RAVER2: variants seen among roughly 807,000 people sequenced by gnomAD.
RAVER2 encodes the protein ribonucleoprotein PTB-binding 2.
In RAVER2, 46 loss-of-function variants were observed where a neutral mutation model predicts 78.1. The ratio of observed to expected loss-of-function variants is 0.59; its 90% confidence interval spans 0.46 to 0.75. The LOEUF is 0.75. Ranked by LOEUF, RAVER2 falls within the 30% of genes least tolerant of loss-of-function variation. The pLI, the probability that RAVER2 is intolerant of heterozygous loss-of-function variation, is 0.00. For missense variants in RAVER2, 793 were observed against 837.5 expected, an observed-to-expected ratio of 0.95 and a Z score of 0.66; for synonymous variants, 311 against 313.3, an observed-to-expected ratio of 0.99 and a Z score of 0.08.
At chr1:64,777,036 A>G (rs1298000758) in intron 2 of RAVER2, among the ~76,000 whole-genome samples, 1 of 152,156 alleles carries the variant, frequency 6.6e-6, no homozygotes, top group Non-Finnish European at 1.5e-5. Context: ...GTACCAAATT[A>G]AAAGTGTCTG....
At chr1:64,795,392 G>A (rs1241011687) in intron 5 of RAVER2, among the ~76,000 whole-genome samples, 1 of 152,068 alleles carries the variant, frequency 6.6e-6, no homozygotes, top group Non-Finnish European at 1.5e-5. Context: ...TGATTTGTAT[G>A]CTAATTTAGG....
At chr1:64,763,949 CA>C (rs1652099848) in intron 1 of RAVER2, among the ~76,000 whole-genome samples, 1 of 151,298 alleles carries the variant, frequency 6.6e-6, no homozygotes, top group Admixed American at 6.6e-5. Flanking sequence ...CACACACACA[CA>C]CACACCCCTA....
At chr1:64,803,055 ACAT>A (rs1302173129) in exon 6 of RAVER2, 3 of 1,581,756 alleles carry the variant, frequency 1.9e-6, no homozygotes, top group Non-Finnish European at 2.6e-6. Context: ...TGAATAAAGC[ACAT>A]CAGGTACATA....
chr1:64,827,256 T>C (rs11589788), intron 11 of RAVER2, among the ~76,000 whole-genome samples: 7,638 of 152,060 alleles, frequency 0.05, 305 homozygotes, highest in Admixed American at 0.14. Context: ...CAGCTGAGAG[T>C]GAAGATGAGG....
chr1:64,759,471 G>A (rs868858210), intron 1 of RAVER2, among the ~76,000 whole-genome samples: 3 of 151,138 alleles, frequency 2.0e-5, no homozygotes, highest in Non-Finnish European at 2.9e-5. Context: ...CGCCCGCCTC[G>A]GCCTCCCAAA....
At chr1:64,764,053 C>G (rs1470163214) in intron 1 of RAVER2, among the ~76,000 whole-genome samples, 2 of 151,982 alleles carry the variant, frequency 1.3e-5, no homozygotes, top group African/African-American at 2.4e-5. Flanking sequence ...AGAAACAGTT[C>G]AAATTCCCAT....
chr1:64,808,613 C>T (rs1010808857), intron 9 of RAVER2, among the ~76,000 whole-genome samples: 3 of 151,898 alleles, frequency 2.0e-5, no homozygotes, highest in Non-Finnish European at 2.9e-5. Context: ...ATGCACACAC[C>T]GCCATACCTG....
intron 1 of RAVER2, among the ~76,000 whole-genome samples, chr1:64,767,815 C>A (rs1652214005): frequency 6.6e-6 from 1 of 151,892 alleles, no homozygotes; most frequent in Non-Finnish European, 1.5e-5. Context: ...ATGTAAAATG[C>A]AGTTTCTGTT....
chr1:64,826,773 A>G (rs1344635936), intron 11 of RAVER2, among the ~76,000 whole-genome samples: 1 of 152,196 alleles, frequency 6.6e-6, no homozygotes, highest in African/African-American at 2.4e-5. Flanking sequence ...GGTACAATCC[A>G]AGTAAAAATG....
intron 10 of RAVER2, among the ~76,000 whole-genome samples, chr1:64,813,887 GTTAT>G (rs758040614): frequency 1.3e-3 from 190 of 148,900 alleles, no homozygotes; most frequent in Non-Finnish European, 2.0e-3. Context: ...TTTGTTTTGG[GTTAT>G]TTATTTATTT....
rs372301156 is a variant in RAVER2, at chr1:64,791,991, G to A, written c.1105+2477G>A. 5.5e-4 allele frequency among the ~76,000 whole-genome samples: 84 copies of A among 152,016 alleles called. 2 individuals carry two copies. Among genetic ancestry groups the A allele is most frequent in the Non-Finnish European group, 2.9e-4 (20 of 67,982 alleles). On this transcript the variant is annotated intron_variant, in intron 5 of 11. Coordinates refer to ENST00000294428, the Ensembl canonical transcript of RAVER2. ...CAACTTTATCAGTAAAATAAATTTT[G>A]AGCAGAGCCCCAGTATATACCATAT...
rs571763478 is a variant in RAVER2 at position 64,781,335 on chromosome 1, TAAGTA to T, written c.787-41_787-37del. 3,124 of 1,449,082 alleles carry T rather than the reference TAAGTA, an allele frequency of 2.2e-3. 7 individuals carry two copies. The highest frequency in any genetic ancestry group is 4.9e-3 in the Admixed American group (221 of 45,194). 89.8% of individuals were successfully genotyped at this position (1,449,082 alleles called of 1,614,324 possible). ...ATTATATATCGTAAATAAATGTTTC[TAAGTA>T]AAGATCGGAATTACTGTTTAATAGA... On this transcript the variant is annotated intron_variant, in intron 3 of 11. Transcript: ENST00000294428.
chr1:64,763,134 T>C (rs12143618), intron 1 of RAVER2, among the ~76,000 whole-genome samples: 18,265 of 151,836 alleles, frequency 0.12, 1,157 homozygotes, highest in East Asian at 0.27. Flanking sequence ...ACGGTGAAAC[T>C]CCGTCTCTAC....
chr1:64,831,600 C>G (rs1654132945), exon 12 of RAVER2: 1 of 152,072 alleles, frequency 6.6e-6, no homozygotes. Flanking sequence ...ATGTTGTTTA[C>G]CATTTATACC....
intron 10 of RAVER2, among the ~76,000 whole-genome samples, chr1:64,813,720 T>C (rs1204160161): frequency 6.6e-6 from 1 of 151,982 alleles, no homozygotes; most frequent in Non-Finnish European, 1.5e-5. Context: ...GTAAAGGCAC[T>C]TCTAGTATAC....
At chr1:64,781,967 A>C (rs1413213430) in intron 4 of RAVER2, among the ~76,000 whole-genome samples, 1 of 152,096 alleles carries the variant, frequency 6.6e-6, no homozygotes, top group African/African-American at 2.4e-5. Context: ...GCAGTGGCAC[A>C]ATCTCAGCTC....
chr1:64,807,030 G>GT (rs1226747277), intron 8 of RAVER2, among the ~76,000 whole-genome samples, 176 bp from the exon 9 acceptor site: 1 of 151,806 alleles, frequency 6.6e-6, no homozygotes, highest in Non-Finnish European at 1.5e-5. Context: ...GTAGGTTTTT[G>GT]TTTTTTTCAT....
chr1:64,808,006 A>G (rs1211080009), intron 9 of RAVER2, among the ~76,000 whole-genome samples: 2 of 152,168 alleles, frequency 1.3e-5, no homozygotes, highest in Admixed American at 6.6e-5. Context: ...TTTCAAATAT[A>G]CTTTTTTCTA....
intron 2 of RAVER2, among the ~76,000 whole-genome samples, chr1:64,774,336 C>T (rs988584829): frequency 6.6e-6 from 1 of 152,046 alleles, no homozygotes; most frequent in Non-Finnish European, 1.5e-5. Flanking sequence ...CTTTAATCCA[C>T]CTTGAGTTAA....
Sources: allele counts gnomAD v4.1 joint callset (sites outside exome capture counted in the v4.1 genomes callset), GRCh38; gene constraint gnomAD v4.1.1; transcripts MANE v1.5; gene names NCBI Gene and HGNC (gene_info 2026-07-23, HGNC 2026-07-21).